Variants in CCR5AS observed in about 807,000 individuals in gnomAD.
CCR5AS encodes the protein CCR5 antisense RNA.
chr3:46,373,327 TCACCTTTGG>T, intron 2 of CCR5AS: 2 of 1,614,198 alleles, frequency 1.2e-6, no homozygotes, highest in Non-Finnish European at 1.7e-6. Flanking sequence ...GCCAGGACGG[TCACCTTTGG>T]GGTGGTGACA....
At chr3:46,371,542 AG>A (rs1445039678) in intron 2 of CCR5AS, 1 of 152,182 alleles carries the variant, frequency 6.6e-6, no homozygotes. Context: ...GAGCTTTTCT[AG>A]GGGCTTCTCT....
intron 2 of CCR5AS, among the ~76,000 whole-genome samples, chr3:46,378,769 C>A (rs190693252): frequency 6.6e-6 from 1 of 152,180 alleles, no homozygotes; most frequent in African/African-American, 2.4e-5. Flanking sequence ...ATTCGGGGTA[C>A]AGGTTGATGC....
chr3:46,393,693 T>TAGG (rs1425278563), intron 1 of CCR5AS, among the ~76,000 whole-genome samples: 1 of 152,172 alleles, frequency 6.6e-6, no homozygotes, highest in Non-Finnish European at 1.5e-5. Flanking sequence ...AGTATGCAGA[T>TAGG]AGGAGCCAGA....
chr3:46,379,620 C>T (rs975012900), intron 2 of CCR5AS, among the ~76,000 whole-genome samples: 4 of 152,106 alleles, frequency 2.6e-5, no homozygotes, highest in African/African-American at 7.2e-5. Context: ...CTTCGCCAGG[C>T]GTGGTGGCTC....
chr3:46,365,742 T>C (rs1044368561), intron 3 of CCR5AS, among the ~76,000 whole-genome samples: 1 of 152,136 alleles, frequency 6.6e-6, no homozygotes, highest in South Asian at 2.1e-4. Flanking sequence ...TTTGACTTCT[T>C]CCAACCCACC....
intron 2 of CCR5AS, among the ~76,000 whole-genome samples, chr3:46,379,197 A>G (rs1442192556): frequency 2.7e-5 from 3 of 112,772 alleles, no homozygotes; most frequent in Admixed American, 1.1e-4. Context: ...ACAGTCCCCA[A>G]AGTGTGATAT....
chr3:46,376,520 G>A (rs768682314), intron 2 of CCR5AS, among the ~76,000 whole-genome samples: 1 of 152,126 alleles, frequency 6.6e-6, no homozygotes, highest in Non-Finnish European at 1.5e-5. Context: ...CAAAAGAATT[G>A]CCATGTTTTA....
chr3:46,393,496 G>GAAAAAAAAAAAAAAA (rs1701933778), intron 1 of CCR5AS, among the ~76,000 whole-genome samples: 1 of 139,044 alleles, frequency 7.2e-6, no homozygotes, highest in African/African-American at 2.8e-5. Context: ...GAAAAAAAAA[G>GAAAAAAAAAAAAAAA]AAGAAGAAAA....
rs554152819 is a variant in CCR5AS at position 46,385,216 on chromosome 3, G to A, written n.391+7609C>T. On this transcript the variant is annotated intron_variant and non_coding_transcript_variant, in intron 2 of 3. Transcript: ENST00000451485. ...TTACTGTTTGCAATGTCTATGTCAA[G>A]CTGTCAAGTGTAGTTTTTATTCTAC... 1.7e-4 allele frequency among the ~76,000 whole-genome samples: 26 copies of A among 152,338 alleles called. No homozygotes were observed. The South Asian group carries it at 5.4e-3, about 32-fold the overall frequency.
intron 2 of CCR5AS, chr3:46,373,493 G>A (rs753901059): frequency 1.4e-5 from 23 of 1,588,208 alleles, no homozygotes; most frequent in Admixed American, 3.3e-5. Flanking sequence ...AGACATTAAA[G>A]ATAGTCATCT....
chr3:46,386,035 C>A (rs964910388), intron 2 of CCR5AS, among the ~76,000 whole-genome samples: 1 of 152,138 alleles, frequency 6.6e-6, no homozygotes, highest in Non-Finnish European at 1.5e-5. Context: ...CCTCAGCCCC[C>A]CAAGTAGCTG....
chr3:46,369,221 T>C (rs1002031089), intron 3 of CCR5AS, among the ~76,000 whole-genome samples: 3 of 152,150 alleles, frequency 2.0e-5, no homozygotes, highest in African/African-American at 7.2e-5. Context: ...ACTCTACAGT[T>C]AAGAAAACTA....
chr3:46,377,017 G>A (rs1253672792), intron 2 of CCR5AS, among the ~76,000 whole-genome samples: 1 of 152,140 alleles, frequency 6.6e-6, no homozygotes, highest in Non-Finnish European at 1.5e-5. Flanking sequence ...ATGAACCAAG[G>A]AAGGGCAGGA....
intron 3 of CCR5AS, among the ~76,000 whole-genome samples, chr3:46,367,365 TAAAA>T (rs10714482): frequency 2.3e-5 from 3 of 129,590 alleles, no homozygotes. Context: ...AATCTTTAGC[TAAAA>T]AAAAAAAAAA....
intron 2 of CCR5AS, chr3:46,373,186 A>G (rs1701690776): frequency 1.2e-6 from 2 of 1,613,882 alleles, no homozygotes; most frequent in South Asian, 2.2e-5. Flanking sequence ...GCCCAGTGGG[A>G]CTTTGGAAAT....
At chr3:46,390,869 G>T (rs954721549) in intron 2 of CCR5AS, among the ~76,000 whole-genome samples, 5 of 152,198 alleles carry the variant, frequency 3.3e-5, no homozygotes, top group African/African-American at 1.2e-4. Flanking sequence ...CAACAGTTAT[G>T]GAGGCAAGGG....
chr3:46,372,962 C>A (rs760428955), intron 2 of CCR5AS: 4 of 1,612,564 alleles, frequency 2.5e-6, no homozygotes, highest in African/African-American at 2.7e-5. Context: ...CGGAGCCCTG[C>A]CAAAAAATCA....
At chr3:46,381,377 G>A (rs1461652995) in intron 2 of CCR5AS, among the ~76,000 whole-genome samples, 1 of 152,110 alleles carries the variant, frequency 6.6e-6, no homozygotes, top group African/African-American at 2.4e-5. Flanking sequence ...CCCTGATCAG[G>A]CAATGATAAT....
chr3:46,392,734 T>C lies in CCR5AS; in HGVS notation n.391+91A>G, dbSNP rs554826322. ...GGATAAAATGTGTCTCCTTTGTCTC[T>C]ACTAGAGAGGAAAAAGAACTGGAAT... On this transcript the variant is annotated intron_variant and non_coding_transcript_variant, in intron 2 of 3. Coordinates refer to ENST00000451485, the Ensembl canonical transcript of CCR5AS. The C allele has an allele frequency of 2.6e-4, 41 of 154,986 alleles. No homozygotes were observed. In the South Asian group the frequency reaches 8.0e-3, roughly 30 times the overall value. The allele number at this position is 154,986 out of a possible 1,614,324, so 9.6% of individuals were successfully genotyped here. A position where few individuals can be genotyped will look rare whatever the true frequency, so the allele number is the denominator to read the frequency against.
Sources: gnomAD v4.1 joint callset for allele counts (sites outside exome capture counted in the v4.1 genomes callset) on GRCh38, gnomAD v4.1.1 for gene constraint, MANE v1.5 for transcripts, NCBI Gene and HGNC (gene_info 2026-07-23, HGNC 2026-07-21) for gene names.